The following SYNPR variants were observed in gnomAD, a reference collection of about 807,000 sequenced individuals.
SYNPR encodes synaptoporin.
Under a neutral mutation model 32.9 loss-of-function variants are expected in SYNPR, and 23 were observed. The observed-to-expected ratio is 0.70, with a 90% CI of 0.50 to 0.99. The LOEUF (loss-of-function observed/expected upper bound fraction) is 0.99. SYNPR is among the 50% of genes least tolerant of loss of function. The pLI is 0.00. For synonymous variants in SYNPR, 146 were observed against 135.9 expected, an observed-to-expected ratio of 1.07 and a Z score of -0.52; for missense variants, 318 against 349.3, an observed-to-expected ratio of 0.91 and a Z score of 0.71.
At chr3:63,318,577 T>C (rs2087070592) in intron 2 of SYNPR, among the ~76,000 whole-genome samples, 1 of 152,038 alleles carries the variant, frequency 6.6e-6, no homozygotes, top group Admixed American at 6.6e-5. Flanking sequence ...TTTATATTTC[T>C]AAAAGTGTGC....
chr3:63,560,652 T>G (rs1476627452), intron 4 of SYNPR, among the ~76,000 whole-genome samples: 1 of 152,194 alleles, frequency 6.6e-6, no homozygotes, highest in Admixed American at 6.5e-5. Flanking sequence ...TCCGTATGGC[T>G]GGGGAGGCCT....
the SYNPR span, among the ~76,000 whole-genome samples, chr3:63,219,423 C>A: frequency 1.3e-5 from 2 of 152,092 alleles, no homozygotes; most frequent in South Asian, 2.1e-4. Flanking sequence ...GGCTTTTCTT[C>A]TATTTGATAT....
chr3:63,440,770 G>C lies in SYNPR; in HGVS notation c.85-40062G>C, dbSNP rs527836097. ...TGGACAAATTCTGGGACACAGCCAG[G>C]GTCACAGAGCAAACCGCTAGCAAAC... On this transcript the variant is annotated intron_variant, in intron 2 of 5. Coordinates refer to ENST00000478300, the MANE Select transcript of SYNPR (RefSeq NM_001130003.2). Among the ~76,000 whole-genome samples the C allele has an allele frequency of 8.0e-4, 122 of 152,144 alleles. 1 individual carries two copies. The highest frequency in any genetic ancestry group is 2.7e-3 in the African/African-American group (113 of 41,528).
intron 2 of SYNPR, chr3:63,451,969 C>G: frequency 1.5e-6 from 1 of 645,426 alleles, no homozygotes; most frequent in Non-Finnish European, 2.8e-6. Flanking sequence ...TTATAAACTC[C>G]TCAACTTCTG....
chr3:63,265,698 T>C (rs1431744180), intron 2 of SYNPR, among the ~76,000 whole-genome samples: 1 of 152,368 alleles, frequency 6.6e-6, no homozygotes, highest in East Asian at 1.9e-4. Flanking sequence ...TATGCTTTCA[T>C]AATGTTCCAT....
chr3:63,296,506 T>C (rs2086792724), intron 2 of SYNPR, among the ~76,000 whole-genome samples: 1 of 152,196 alleles, frequency 6.6e-6, no homozygotes, highest in South Asian at 2.1e-4. Context: ...TGTTTGGAAA[T>C]TAACCTTAGC....
intron 2 of SYNPR, among the ~76,000 whole-genome samples, chr3:63,260,206 A>T (rs888637328): frequency 6.6e-6 from 1 of 152,210 alleles, no homozygotes; most frequent in African/African-American, 2.4e-5. Flanking sequence ...TCTTCACAGA[A>T]TTGGAAAAAA....
intron 3 of SYNPR, among the ~76,000 whole-genome samples, chr3:63,553,992 G>A (rs1003866317): frequency 6.6e-6 from 1 of 152,210 alleles, no homozygotes. Context: ...AAAGTGCTGG[G>A]ATTACAGGCG....
chr3:63,371,743 C>T (rs1336500302), intron 2 of SYNPR, among the ~76,000 whole-genome samples: 1 of 152,240 alleles, frequency 6.6e-6, no homozygotes, highest in East Asian at 1.9e-4. Context: ...GACCCTGGAC[C>T]TCGGACTCTA....
At chr3:63,433,017 C>T (rs909858274) in intron 2 of SYNPR, among the ~76,000 whole-genome samples, 4 of 152,282 alleles carry the variant, frequency 2.6e-5, no homozygotes, top group South Asian at 2.1e-4. Flanking sequence ...ATAAGCTGCT[C>T]GGGTGATTCT....
intron 1 of SYNPR, among the ~76,000 whole-genome samples, chr3:63,241,590 T>A (rs1184382426): frequency 1.6e-4 from 25 of 152,058 alleles, no homozygotes; most frequent in Admixed American, 1.6e-3. Context: ...ATAAATAAAC[T>A]ATTTTCCTTC....
chr3:63,339,375 T>C (rs2087334980), intron 2 of SYNPR, among the ~76,000 whole-genome samples: 3 of 152,184 alleles, frequency 2.0e-5, no homozygotes, highest in Non-Finnish European at 4.4e-5. Flanking sequence ...ATTAAGATAA[T>C]TACAGATTCA....
At position 63,549,398 on chromosome 3, in the gene SYNPR, C is replaced by T. The variant is rs138516410; in HGVS notation, c.210-7145C>T. Among the ~76,000 whole-genome samples, 12 of 152,254 alleles carry T rather than the reference C, an allele frequency of 7.9e-5. No individual in the cohort carries two copies. In the South Asian group the frequency reaches 1.7e-3, roughly 21 times the overall value. On this transcript the variant is annotated intron_variant, in intron 3 of 5. Coordinates refer to ENST00000478300, the MANE Select transcript of SYNPR (RefSeq NM_001130003.2). ...TTTTTAAAGAAGAGAGGCAGGTATGCGCAGTACTTGCCAGTGTAGGCTCCT... is the reference window on the plus strand; with the variant it reads ...TTTTTAAAGAAGAGAGGCAGGTATGTGCAGTACTTGCCAGTGTAGGCTCCT...
intron 2 of SYNPR, among the ~76,000 whole-genome samples, chr3:63,363,877 C>T (rs2087695276): frequency 6.6e-6 from 1 of 152,014 alleles, no homozygotes; most frequent in African/African-American, 2.4e-5. Context: ...TATAACCTCC[C>T]AAAAGGATTC....
rs865842031 is a variant in SYNPR, at chr3:63,416,553, C to A, written c.85-64279C>A. Among the ~76,000 whole-genome samples, 439 of 112,360 alleles carry A rather than the reference C, an allele frequency of 3.9e-3. 9 individuals are homozygous for A. The highest frequency in any genetic ancestry group is 0.022 in the East Asian group (95 of 4,264). The allele number at this position is 112,360 out of a possible 152,430, so 73.7% of individuals were successfully genotyped here. A position where few individuals can be genotyped will look rare whatever the true frequency, so the allele number is the denominator to read the frequency against. On this transcript the variant is annotated intron_variant, in intron 2 of 5. Transcript: ENST00000478300. The stretch of plus-strand genomic sequence containing the variant: ...TCTTAAAAAAAAAAAAAAAAAAAAA[C>A]CAAAAAAAAACACAGAAGTTATTGC...
chr3:63,468,707 G>A lies in SYNPR; in HGVS notation c.85-12125G>A, dbSNP rs138985913. Among the ~76,000 whole-genome samples, 947 of 152,170 alleles carry A rather than the reference G, an allele frequency of 6.2e-3. 10 individuals are homozygous for A. The highest frequency in any genetic ancestry group is 0.011 in the Non-Finnish European group (717 of 68,006). On this transcript the variant is annotated intron_variant, in intron 2 of 5. Coordinates refer to ENST00000478300, the MANE Select transcript of SYNPR (RefSeq NM_001130003.2). Reference sequence around the variant, plus strand: ...TCCCAGCTACTTGGGAGGCTGAGGCGTGAGGATGGCTTGAACCCAGCAGGC... The same window carrying A: ...TCCCAGCTACTTGGGAGGCTGAGGCATGAGGATGGCTTGAACCCAGCAGGC...
chr3:63,510,613 A>G (rs1424507084), intron 3 of SYNPR, among the ~76,000 whole-genome samples: 1 of 152,156 alleles, frequency 6.6e-6, no homozygotes, highest in Admixed American at 6.6e-5. Flanking sequence ...TTAGATTCTT[A>G]CTTTCCCGGA....
intron 2 of SYNPR, among the ~76,000 whole-genome samples, chr3:63,374,730 C>T (rs2107058621): frequency 6.6e-6 from 1 of 152,268 alleles, no homozygotes; most frequent in South Asian, 2.1e-4. Flanking sequence ...AAGAGCCTAA[C>T]ATCAAATTTG....
At chr3:63,448,276 T>G (rs1387907800) in intron 2 of SYNPR, among the ~76,000 whole-genome samples, 1 of 152,194 alleles carries the variant, frequency 6.6e-6, no homozygotes, top group Non-Finnish European at 1.5e-5. Flanking sequence ...AGTGCTGGGA[T>G]TACAGGCCTG....
Sources: allele counts gnomAD v4.1 joint callset (sites outside exome capture counted in the v4.1 genomes callset), GRCh38; gene constraint gnomAD v4.1.1; transcripts MANE v1.5; gene names NCBI Gene and HGNC (gene_info 2026-07-23, HGNC 2026-07-21).